Variants in PHF19 observed in about 807,000 individuals in gnomAD.
PHF19 encodes PHD finger protein 19.
Under a neutral mutation model 79.8 loss-of-function variants are expected in PHF19, and 21 were observed. The ratio of observed to expected loss-of-function variants is 0.26; its 90% confidence interval spans 0.19 to 0.38. The LOEUF is 0.38. Among genes scored for constraint, PHF19 ranks in the 10% least tolerant of loss-of-function variants. The probability of loss-of-function intolerance (pLI) is 1.00; values close to 1 mark genes in which losing one functional copy is unlikely to be tolerated. For missense variants in PHF19, 445 were observed against 744.2 expected (o/e 0.60, Z 4.68); for synonymous variants, 273 against 296.3 (o/e 0.92, Z 0.81).
At chr9:120,899,645 C>T (rs1220102360), upstream of PHF19, among the ~76,000 whole-genome samples, 3 of 152,300 alleles carry the variant, frequency 2.0e-5, no homozygotes, top group East Asian at 3.9e-4. Context: ...GAAGCTGAGG[C>T]TTAGTTAGCC....
chr9:120,897,738 G>T (rs575381521), upstream of PHF19, among the ~76,000 whole-genome samples: 2 of 152,106 alleles, frequency 1.3e-5, no homozygotes, highest in African/African-American at 4.8e-5. Context: ...CAGCAGCTTG[G>T]CAGGCCGAGG....
In PHF19 at chr9:120,862,866, G is replaced by T; in HGVS notation, c.969-117C>A. The T allele has an allele frequency of 1.0e-6, 1 of 975,974 alleles. No individual in the cohort carries two copies. The highest frequency in any genetic ancestry group is 1.6e-6 in the Non-Finnish European group (1 of 629,290). 60.5% of individuals were successfully genotyped at this position (975,974 alleles called of 1,614,324 possible). A position where few individuals can be genotyped will look rare whatever the true frequency, so the allele number is the denominator to read the frequency against. On this transcript the variant is annotated intron_variant, in intron 10 of 14. Coordinates refer to ENST00000373896, the MANE Select transcript of PHF19 (RefSeq NM_015651.3). This position sits in a 1 kb window ranked among gnomAD's most constrained non-coding sequence, Gnocchi z 4.6. ...TCCTTGGACCCAGAGCTAAAATCCG[G>T]ATGGTCTCTGCAGATGCTGACTTCC...
chr9:120,857,606 A>G lies in PHF19; in HGVS notation c.*338T>C. On this transcript the variant is annotated 3_prime_UTR_variant, in exon 15 of 15. Coordinates refer to ENST00000373896, the MANE Select transcript of PHF19 (RefSeq NM_015651.3). ...ACCCAGAAAGGGGCGAGAGAGGTCA[A>G]GGCACACAACTGGGGACAAAGACCT... The G allele has an allele frequency of 4.0e-6, 1 of 248,700 alleles. No individual in the cohort carries two copies. The allele number at this position is 248,700 out of a possible 1,614,324, so 15.4% of individuals were successfully genotyped here. A position where few individuals can be genotyped will look rare whatever the true frequency, so the allele number is the denominator to read the frequency against.
chr9:120,859,565 AG>A (rs1300330699), intron 14 of PHF19, among the ~76,000 whole-genome samples: 1 of 152,198 alleles, frequency 6.6e-6, no homozygotes, highest in Non-Finnish European at 1.5e-5. Flanking sequence ...TACTGGAGAT[AG>A]GCCCCCAGGG....
In PHF19 at chr9:120,860,894, A is replaced by C; in HGVS notation, c.1304+195T>G. ...GGTGAGTGTGGATAACCATGGGGCA[A>C]GGTGGGGAGGGCTGGAGAAGAGGGG... On this transcript the variant is annotated intron_variant, in intron 13 of 14. Transcript: ENST00000373896. The surrounding 1 kb of genome is among the most constrained non-coding windows in gnomAD (Gnocchi z 4.1). The C allele has an allele frequency of 1.8e-6, 1 of 558,266 alleles. No individual in the cohort carries two copies. The highest frequency in any genetic ancestry group is 3.3e-6 in the Non-Finnish European group (1 of 306,768). The allele number at this position is 558,266 out of a possible 1,614,324, so 34.6% of individuals were successfully genotyped here. A position where few individuals can be genotyped will look rare whatever the true frequency, so the allele number is the denominator to read the frequency against.
intron 1 of PHF19, among the ~76,000 whole-genome samples, chr9:120,890,719 C>A (rs1315796137): frequency 6.6e-6 from 1 of 152,122 alleles, no homozygotes; most frequent in African/African-American, 2.4e-5. Flanking sequence ...ATCAGAATGT[C>A]AGCTCTCCAA....
intron 1 of PHF19, among the ~76,000 whole-genome samples, chr9:120,887,073 AAAAAG>A (rs3047157): frequency 3.8e-4 from 55 of 144,354 alleles, no homozygotes; most frequent in Non-Finnish European, 4.5e-4. Context: ...CTAAAAAAAA[AAAAAG>A]AAAAGAAAAG....
Position 120,866,820 on chromosome 9 carries a change from G to A in PHF19, c.710+50C>T. ...TGCAGGAGTTGTTGCTGCCATCCCT[G>A]CCCTCTCCCCACCACGCCCAAGGCC... On this transcript the variant is annotated intron_variant, in intron 7 of 14. Coordinates refer to ENST00000373896, the MANE Select transcript of PHF19 (RefSeq NM_015651.3). This position sits in a 1 kb window ranked among gnomAD's most constrained non-coding sequence, Gnocchi z 5.2. 1.0e-6 allele frequency: 1 copy of A among 997,480 alleles called. No individual in the cohort carries two copies. Among genetic ancestry groups the A allele is most frequent in the Non-Finnish European group, 1.6e-6 (1 of 618,432 alleles). 61.8% of individuals were successfully genotyped at this position (997,480 alleles called of 1,614,324 possible). A position where few individuals can be genotyped will look rare whatever the true frequency, so the allele number is the denominator to read the frequency against.
upstream of PHF19, among the ~76,000 whole-genome samples, chr9:120,895,408 G>A (rs1391909576): frequency 6.7e-6 from 1 of 148,826 alleles, no homozygotes; most frequent in African/African-American, 2.5e-5. Context: ...AACATAGCAA[G>A]ATCCCGTCTC....
In PHF19 at chr9:120,862,537, G is replaced by T; in HGVS notation, c.1130+51C>A. 2 of 1,569,824 alleles carry T rather than the reference G, an allele frequency of 1.3e-6. No individual in the cohort carries two copies. Among genetic ancestry groups the T allele is most frequent in the Non-Finnish European group, 1.7e-6 (2 of 1,143,654 alleles). ...GGTCCTCCTTGCTTGCTTGGAAGCA[G>T]AGAAACCGAGTTTGGCGGCAGCCCT... On this transcript the variant is annotated intron_variant, in intron 11 of 14. Coordinates refer to ENST00000373896, the MANE Select transcript of PHF19 (RefSeq NM_015651.3). The surrounding 1 kb of genome is among the most constrained non-coding windows in gnomAD (Gnocchi z 4.6).
rs758885601 is a variant in PHF19, at chr9:120,862,043, A to G, written c.1131-38T>C. 6.7e-7 allele frequency: 1 copy of G among 1,495,360 alleles called. No individual in the cohort carries two copies. Among genetic ancestry groups the G allele is most frequent in the East Asian group, 2.3e-5 (1 of 44,286 alleles). The allele number at this position is 1,495,360 out of a possible 1,614,324, so 92.6% of individuals were successfully genotyped here. On this transcript the variant is annotated intron_variant, in intron 11 of 14. Coordinates refer to ENST00000373896, the MANE Select transcript of PHF19 (RefSeq NM_015651.3). The surrounding 1 kb of genome is among the most constrained non-coding windows in gnomAD (Gnocchi z 4.6). Reference sequence around the variant, plus strand: ...AAGAGGGAGAAGGTGGCCCCGTCAGAGCCTGAGGGCCCTAGGGTGGCCCAG... The same window carrying G: ...AAGAGGGAGAAGGTGGCCCCGTCAGGGCCTGAGGGCCCTAGGGTGGCCCAG...
intron 14 of PHF19, among the ~76,000 whole-genome samples, chr9:120,859,034 A>G: frequency 6.6e-6 from 1 of 151,998 alleles, no homozygotes; most frequent in African/African-American, 2.4e-5. Context: ...CATGAGAATC[A>G]CTTGAGCCTG....
the PHF19 span, among the ~76,000 whole-genome samples, chr9:120,901,415 G>C: frequency 2.0e-5 from 3 of 151,986 alleles, no homozygotes; most frequent in Non-Finnish European, 2.9e-5. Context: ...GGCTGGTCTC[G>C]AATTCCTGAC....
chr9:120,857,685 A>T lies in PHF19; in HGVS notation c.*259T>A, dbSNP rs900358792. 8 of 410,024 alleles carry T rather than the reference A, an allele frequency of 2.0e-5. No homozygotes were observed. The highest frequency in any genetic ancestry group is 3.5e-5 in the Non-Finnish European group (8 of 231,242). 25.4% of individuals were successfully genotyped at this position (410,024 alleles called of 1,614,324 possible). On this transcript the variant is annotated 3_prime_UTR_variant, in exon 15 of 15. Transcript: ENST00000373896. ...GGGGACACAAGGTCAGAGAACAGAT[A>T]AACAGAGTTTGAGGGGGTGTGGAGT...
At chr9:120,863,060 T>G (rs1425229611) in intron 10 of PHF19, 1 of 363,936 alleles carries the variant, frequency 2.7e-6, no homozygotes, top group Admixed American at 4.0e-5. Flanking sequence ...CAGCTTACAG[T>G]GGAACTCCTA....
At chr9:120,899,916 A>G in the PHF19 span, among the ~76,000 whole-genome samples, 2 of 152,178 alleles carry the variant, frequency 1.3e-5, no homozygotes, top group African/African-American at 4.8e-5. Context: ...AACAGTTGTG[A>G]TCATTTCAGC....
At position 120,874,878 on chromosome 9, in the gene PHF19, A is replaced by C; in HGVS notation, c.-15-122T>G. On this transcript the variant is annotated intron_variant, in intron 1 of 14. Coordinates refer to ENST00000373896, the MANE Select transcript of PHF19 (RefSeq NM_015651.3). The surrounding 1 kb of genome is among the most constrained non-coding windows in gnomAD (Gnocchi z 4.5). ...ATAAGCCAGACTTGGTTATTATCTC[A>C]CTGATTCCTCGTGACCATCCTATGA... 8 of 623,002 alleles carry C rather than the reference A, an allele frequency of 1.3e-5. No homozygotes were observed. The highest frequency in any genetic ancestry group is 2.9e-5 in the Admixed American group (1 of 34,626). 38.6% of individuals were successfully genotyped at this position (623,002 alleles called of 1,614,324 possible).
intron 3 of PHF19, among the ~76,000 whole-genome samples, chr9:120,871,258 C>T (rs755954219): frequency 3.9e-5 from 6 of 152,156 alleles, no homozygotes; most frequent in African/African-American, 1.4e-4. Flanking sequence ...TGGCCAATCT[C>T]GTTTCTACTA....
At chr9:120,865,860 G>C (rs2045683041) in intron 8 of PHF19, 30 bp from the exon 9 acceptor site, 1 of 1,613,934 alleles carries the variant, frequency 6.2e-7, no homozygotes, top group Non-Finnish European at 8.5e-7. Flanking sequence ...GGTGGGACCA[G>C]GTGAGGTGGC....
Sources: gnomAD v4.1 joint callset for allele counts (sites outside exome capture counted in the v4.1 genomes callset) on GRCh38, gnomAD v4.1.1 for gene constraint, Gnocchi (gnomAD v3.1) non-coding constraint, MANE v1.5 for transcripts, NCBI Gene and HGNC (gene_info 2026-07-23, HGNC 2026-07-21) for gene names.